LRP2: variants seen among roughly 807,000 people sequenced by gnomAD.
LRP2 encodes the protein LDL receptor related protein 2, also known as low-density lipoprotein receptor-related protein 2.
LRP2 carries 172 observed loss-of-function variants against 531.0 expected under a neutral mutation model. That is an observed-to-expected ratio of 0.32 (90% CI 0.29 to 0.37). LRP2 has a LOEUF of 0.37. Ranked by LOEUF, LRP2 falls within the 10% of genes least tolerant of loss-of-function variation. The probability of loss-of-function intolerance (pLI) is 1.00; values close to 1 mark genes in which losing one functional copy is unlikely to be tolerated. For synonymous variants in LRP2, 1,992 were observed against 2,027.6 expected, an observed-to-expected ratio of 0.98 and a Z score of 0.47; for missense variants, 5,167 against 5,868.3, an observed-to-expected ratio of 0.88 and a Z score of 3.90.
chr2:169,287,542 G>T (rs1204662101), intron 9 of LRP2, among the ~76,000 whole-genome samples: 4 of 151,988 alleles, frequency 2.6e-5, no homozygotes, highest in Admixed American at 2.6e-4. Flanking sequence ...TTTCAGTAAC[G>T]CTGAGGAGCA....
At chr2:169,307,446 A>G (rs770744259) in intron 3 of LRP2, 49 bp from the exon 4 acceptor site, 2 of 1,057,652 alleles carry the variant, frequency 1.9e-6, no homozygotes, top group Admixed American at 3.4e-5. Context: ...TGCTAGACAC[A>G]GACTAATCTA....
At chr2:169,282,629 ACAAT>A (rs778459377) in intron 10 of LRP2, among the ~76,000 whole-genome samples, 5 of 152,350 alleles carry the variant, frequency 3.3e-5, no homozygotes, top group African/African-American at 4.8e-5. Context: ...GGCAAAGTAA[ACAAT>A]CAATCAATTA....
At position 169,315,802 on chromosome 2, in the gene LRP2, A is replaced by G. The variant is rs374826360; in HGVS notation, c.310+2960T>C. On this transcript the variant is annotated intron_variant, in intron 3 of 78. Transcript: ENST00000649046. The stretch of plus-strand genomic sequence containing the variant: ...ACCCAGAGACTACTGCTGACACCCA[A>G]ATGAGAGATGTTGGCAGTGGGAGCA... Among the ~76,000 whole-genome samples the G allele has an allele frequency of 2.0e-5, 3 of 151,906 alleles. No homozygotes were observed. In the South Asian group the frequency reaches 6.2e-4, roughly 32 times the overall value.
chr2:169,154,568 G>A lies in LRP2; in HGVS notation c.12187C>T (p.Arg4063Ter), dbSNP rs762645702. The change falls in exon 66 of 79, where the codon CGA becomes TGA. Residue 4063 changes from arginine to a stop codon, truncating the protein, a stop_gained. Coordinates refer to ENST00000649046, the MANE Select transcript of LRP2 (RefSeq NM_004525.3). LOFTEE classifies it high-confidence loss of function. ...GATGAGAGATTATATTTTCGAATTC[G>A]GACATTGTCAGGCAGTAGCAACAAA... The part of the protein sequence containing the change: ...SPLLLLPDNV[R>*]IRKYNLSSER... The A allele has an allele frequency of 6.2e-7, 1 of 1,613,412 alleles. No individual in the cohort carries two copies.
intron 66 of LRP2, 35 bp downstream of exon 66, chr2:169,154,425 T>C: frequency 6.3e-7 from 1 of 1,589,756 alleles, no homozygotes; most frequent in Non-Finnish European, 8.6e-7. Flanking sequence ...TAAAGTCACT[T>C]AATATCAATG....
chr2:169,286,309 A>T (rs974777871), intron 9 of LRP2, among the ~76,000 whole-genome samples: 1 of 152,218 alleles, frequency 6.6e-6, no homozygotes, highest in Non-Finnish European at 1.5e-5. Flanking sequence ...GGTTGTCTGT[A>T]CTAAAGTCCC....
At chr2:169,262,445 C>A (rs1215340928) in intron 16 of LRP2, among the ~76,000 whole-genome samples, 56 of 120,390 alleles carry the variant, frequency 4.7e-4, no homozygotes, top group African/African-American at 1.5e-3. Flanking sequence ...TTCTTATACA[C>A]CAATAACAGA....
rs1406180267 is a variant in LRP2 at position 169,319,038 on chromosome 2, CCAGT to C, written c.188-158_188-155del. 6.6e-5 allele frequency among the ~76,000 whole-genome samples: 10 copies of C among 152,304 alleles called. No individual in the cohort carries two copies. The East Asian group carries it at 1.5e-3, about 23-fold the overall frequency. On this transcript the variant is annotated intron_variant, in intron 2 of 78. Coordinates refer to ENST00000649046, the MANE Select transcript of LRP2 (RefSeq NM_004525.3). Reference sequence around the variant, plus strand: ...ACCCTTATACTAGAGTCTGTGGACGCCAGTCAGAGTTCACTGTCAAATAAGCTCA... The same window carrying C: ...ACCCTTATACTAGAGTCTGTGGACGCCAGAGTTCACTGTCAAATAAGCTCA...
intron 9 of LRP2, among the ~76,000 whole-genome samples, chr2:169,284,414 G>A (rs997644088): frequency 5.9e-5 from 9 of 151,402 alleles, no homozygotes; most frequent in Non-Finnish European, 7.4e-5. Context: ...ACAGGTGTGC[G>A]CCACCACACC....
At chr2:169,306,552 A>C (rs771916806) in intron 4 of LRP2, among the ~76,000 whole-genome samples, 19 of 152,166 alleles carry the variant, frequency 1.2e-4, no homozygotes, top group Non-Finnish European at 2.6e-4. Flanking sequence ...AAAATAAAAA[A>C]CAGAAAGAGA....
At position 169,159,628 on chromosome 2, in the gene LRP2, G is replaced by A. The variant is rs114471085; in HGVS notation, c.11888-2126C>T. Among the ~76,000 whole-genome samples, 954 of 152,062 alleles carry A rather than the reference G, an allele frequency of 6.3e-3. 14 individuals are homozygous for A. The highest frequency in any genetic ancestry group is 0.022 in the African/African-American group (917 of 41,468). On this transcript the variant is annotated intron_variant, in intron 63 of 78. Transcript: ENST00000649046. ...CTTTCTAAGAATTTATTCACTTCAC[G>A]TAAGTTGTTTGATTTATTGCCATAA... is the stretch of plus-strand genomic sequence containing the variant.
At chr2:169,196,120 A>G (rs919396396) in intron 46 of LRP2, among the ~76,000 whole-genome samples, 1 of 152,156 alleles carries the variant, frequency 6.6e-6, no homozygotes, top group Non-Finnish European at 1.5e-5. Context: ...TAGATAGTAA[A>G]TATTTTAGGC....
chr2:169,149,470 T>G (rs1243780339), intron 68 of LRP2, among the ~76,000 whole-genome samples: 1 of 152,194 alleles, frequency 6.6e-6, no homozygotes. Context: ...CCTTTCTCAC[T>G]CCTTTCTTAC....
chr2:169,206,131 C>T lies in LRP2; in HGVS notation c.7448G>A (p.Ser2483Asn). ...ATTAATCATCTGGTTGAGGTAGTCA[C>T]TGTAATAAATTCTTCTAGTAATCCA... ...FDWITRRIYY[S>N]DYLNQMINSM... The change falls in exon 40 of 79, where the codon AGT becomes AAT. Residue 2483 changes from serine to asparagine, a missense_variant. By Grantham distance (46) the Ser-to-Asn change is conservative. Coordinates refer to ENST00000649046, the MANE Select transcript of LRP2 (RefSeq NM_004525.3). 1 of 1,614,220 alleles carries T rather than the reference C, an allele frequency of 6.2e-7. No individual in the cohort carries two copies. The highest frequency in any genetic ancestry group is 1.1e-5 in the South Asian group (1 of 91,084).
At chr2:169,176,139 C>T (rs145897504) in intron 54 of LRP2, among the ~76,000 whole-genome samples, 1 of 152,320 alleles carries the variant, frequency 6.6e-6, no homozygotes, top group Non-Finnish European at 1.5e-5. Flanking sequence ...GGCTCCAATA[C>T]TTAAGACAAT....
chr2:169,293,847 C>T (rs979981268), intron 6 of LRP2, among the ~76,000 whole-genome samples: 8 of 152,000 alleles, frequency 5.3e-5, no homozygotes, highest in African/African-American at 1.9e-4. Context: ...TTTGAGAATC[C>T]AGTGATACAA....
At chr2:169,228,113 T>C (rs1239651322) in intron 31 of LRP2, among the ~76,000 whole-genome samples, 1 of 152,166 alleles carries the variant, frequency 6.6e-6, no homozygotes, top group Non-Finnish European at 1.5e-5. Flanking sequence ...AGTTTCCTAA[T>C]CTTGTTTGTT....
In LRP2 at chr2:169,128,496, T is replaced by C. The variant is rs2105321596; in HGVS notation, c.*167A>G. On this transcript the variant is annotated 3_prime_UTR_variant, in exon 79 of 79. Transcript: ENST00000649046. Reference sequence around the variant, plus strand: ...ATTGTGATAATTATTTGTAAAAATATGAGACGGCATAAGTAAAAAAAGACA... The same window carrying C: ...ATTGTGATAATTATTTGTAAAAATACGAGACGGCATAAGTAAAAAAAGACA... The C allele has an allele frequency of 1.6e-6, 1 of 633,196 alleles. No homozygotes were observed. The highest frequency in any genetic ancestry group is 1.9e-5 in the South Asian group (1 of 52,364). 39.2% of individuals were successfully genotyped at this position (633,196 alleles called of 1,614,324 possible).
chr2:169,204,971 T>C (rs1688326076), intron 41 of LRP2, among the ~76,000 whole-genome samples: 1 of 151,622 alleles, frequency 6.6e-6, no homozygotes, highest in Admixed American at 6.6e-5. Flanking sequence ...AGGAGAAGCT[T>C]GCCAGAGAAG....
Sources: gnomAD v4.1 joint callset for allele counts (sites outside exome capture counted in the v4.1 genomes callset) on GRCh38, gnomAD v4.1.1 for gene constraint, MANE v1.5 for transcripts, NCBI Gene and HGNC (gene_info 2026-07-23, HGNC 2026-07-21) for gene names.